Variants in MCTP1 observed in about 807,000 individuals in gnomAD.
MCTP1 encodes multiple C2 and transmembrane domain-containing protein 1.
MCTP1 carries 69 observed loss-of-function variants against 120.6 expected under a neutral mutation model. The observed-to-expected ratio is 0.57, with a 90% confidence interval of 0.47 to 0.70. The LOEUF is 0.70. Among genes scored for constraint, MCTP1 ranks in the 30% least tolerant of loss-of-function variants. The pLI is 0.00. For synonymous variants in MCTP1, 529 were observed against 493.1 expected (o/e 1.07, Z -0.96); for missense variants, 1,203 against 1,248.8 (o/e 0.96, Z 0.55).
At chr5:94,749,346 T>G (rs1767678642) in intron 19 of MCTP1, among the ~76,000 whole-genome samples, 1 of 152,112 alleles carries the variant, frequency 6.6e-6, no homozygotes, top group South Asian at 2.1e-4. Flanking sequence ...TTTTGAAGAA[T>G]GAAAGAAATA....
intron 1 of MCTP1, among the ~76,000 whole-genome samples, chr5:95,220,153 G>A (rs1449158876): frequency 6.6e-6 from 1 of 152,164 alleles, no homozygotes; most frequent in African/African-American, 2.4e-5. Flanking sequence ...GGTTCCTTAA[G>A]CGGCTGCTAA....
chr5:95,028,148 G>A (rs535021427), intron 1 of MCTP1, among the ~76,000 whole-genome samples: 19 of 152,246 alleles, frequency 1.2e-4, no homozygotes, highest in African/African-American at 4.3e-4. Flanking sequence ...TGGTTAGGAT[G>A]GCCATGTAAC....
chr5:94,892,880 G>A (rs1235618646), intron 11 of MCTP1, among the ~76,000 whole-genome samples: 1 of 151,900 alleles, frequency 6.6e-6, no homozygotes, highest in Admixed American at 6.6e-5. Context: ...ATAATAAAAG[G>A]GAAACACACT....
intron 1 of MCTP1, among the ~76,000 whole-genome samples, chr5:95,127,839 G>A (rs758705056): frequency 3.9e-5 from 6 of 152,194 alleles, no homozygotes; most frequent in Non-Finnish European, 7.3e-5. Flanking sequence ...TAAGTGCAAA[G>A]ATGGAGGCAT....
intron 1 of MCTP1, among the ~76,000 whole-genome samples, chr5:95,265,953 G>A (rs971465298): frequency 1.3e-5 from 2 of 152,114 alleles, no homozygotes; most frequent in African/African-American, 4.8e-5. Context: ...GAAAGGCCCA[G>A]ACCCAAAGAA....
intron 17 of MCTP1, among the ~76,000 whole-genome samples, chr5:94,806,263 C>A (rs1219876530): frequency 1.3e-5 from 2 of 151,648 alleles, no homozygotes; most frequent in Admixed American, 1.3e-4. Flanking sequence ...ACTGAATGAG[C>A]CAATTACATT....
chr5:95,194,036 C>T (rs761972789), intron 1 of MCTP1, among the ~76,000 whole-genome samples: 2 of 151,936 alleles, frequency 1.3e-5, no homozygotes, highest in Non-Finnish European at 2.9e-5. Context: ...CAAAGCAAGA[C>T]CGTGTCTCTA....
intron 1 of MCTP1, among the ~76,000 whole-genome samples, chr5:95,100,891 A>C (rs72779437): frequency 0.048 from 7,303 of 152,306 alleles, 249 homozygotes; most frequent in Middle Eastern, 0.078. Context: ...CAGTTTATCA[A>C]ATAGTTCACA....
At chr5:95,086,351 T>C (rs1755442695) in intron 1 of MCTP1, among the ~76,000 whole-genome samples, 1 of 151,862 alleles carries the variant, frequency 6.6e-6, no homozygotes, top group Non-Finnish European at 1.5e-5. Context: ...GGAGGCAGAC[T>C]GATGATGATG....
rs1754780639 is a variant in MCTP1, at chr5:94,706,938, A to G, written c.*558T>C. 6.6e-6 allele frequency: 1 copy of G among 151,908 alleles called. No individual in the cohort carries two copies. The highest frequency in any genetic ancestry group is 2.1e-4 in the South Asian group (1 of 4,836). The allele number at this position is 151,908 out of a possible 1,614,324, so 9.4% of individuals were successfully genotyped here. A position where few individuals can be genotyped will look rare whatever the true frequency, so the allele number is the denominator to read the frequency against. On this transcript the variant is annotated 3_prime_UTR_variant, in exon 23 of 23. Coordinates refer to ENST00000515393, the MANE Select transcript of MCTP1 (RefSeq NM_024717.7). ...TATTAGCTTAAAATTAGCCTAAGTC[A>G]TACCTAAGTAATTTGCACAGGAGTG...
chr5:95,252,641 T>C (rs968671730), intron 1 of MCTP1, among the ~76,000 whole-genome samples: 1 of 152,102 alleles, frequency 6.6e-6, no homozygotes, highest in African/African-American at 2.4e-5. Context: ...ACCTACACAG[T>C]CTGGGTCTAG....
chr5:95,075,037 G>T (rs1753205691), intron 1 of MCTP1, among the ~76,000 whole-genome samples: 1 of 152,200 alleles, frequency 6.6e-6, no homozygotes. Context: ...TTTGCAAAAT[G>T]AGAGGGTTGA....
At chr5:94,882,906 A>G (rs1372907763) in intron 12 of MCTP1, among the ~76,000 whole-genome samples, 1 of 152,158 alleles carries the variant, frequency 6.6e-6, no homozygotes, top group African/African-American at 2.4e-5. Context: ...TCTTTAAAAC[A>G]CTGTCTCAGA....
chr5:95,133,553 G>A (rs995312199), intron 1 of MCTP1, among the ~76,000 whole-genome samples: 1 of 152,248 alleles, frequency 6.6e-6, no homozygotes, highest in Non-Finnish European at 1.5e-5. Context: ...TACTTGGGAG[G>A]CTGAGGCAGA....
At chr5:95,199,483 A>C (rs1750756996) in intron 1 of MCTP1, among the ~76,000 whole-genome samples, 1 of 152,222 alleles carries the variant, frequency 6.6e-6, no homozygotes, top group South Asian at 2.1e-4. Flanking sequence ...AAAATGCTCA[A>C]TATCACCAAT....
intron 1 of MCTP1, among the ~76,000 whole-genome samples, chr5:95,086,708 T>A (rs1436450553): frequency 6.6e-6 from 1 of 152,156 alleles, no homozygotes; most frequent in East Asian, 1.9e-4. Flanking sequence ...AAGAAAAAAA[T>A]GCTTTTTTGG....
chr5:94,834,023 G>A (rs1398128083), intron 17 of MCTP1, among the ~76,000 whole-genome samples: 1 of 152,220 alleles, frequency 6.6e-6, no homozygotes, highest in African/African-American at 2.4e-5. Context: ...CTGGATTTGT[G>A]TATGTGCGTG....
chr5:95,123,979 T>C (rs1758434448), intron 1 of MCTP1, among the ~76,000 whole-genome samples: 2 of 152,314 alleles, frequency 1.3e-5, no homozygotes, highest in South Asian at 4.1e-4. Context: ...AATAAGCCCA[T>C]GTATCAATGT....
At chr5:95,067,061 G>T (rs1206011730) in intron 1 of MCTP1, among the ~76,000 whole-genome samples, 1 of 151,634 alleles carries the variant, frequency 6.6e-6, no homozygotes, top group Admixed American at 6.6e-5. Flanking sequence ...ACCATGGACC[G>T]GTACCAATCC....
Sources: allele counts gnomAD v4.1 joint callset (sites outside exome capture counted in the v4.1 genomes callset), GRCh38; gene constraint gnomAD v4.1.1; transcripts MANE v1.5; gene names NCBI Gene and HGNC (gene_info 2026-07-23, HGNC 2026-07-21).